Variants in MICU1 observed in about 807,000 individuals in gnomAD.
MICU1 encodes calcium uptake protein 1, mitochondrial.
Under a neutral mutation model 56.8 loss-of-function variants are expected in MICU1, and 45 were observed. The observed-to-expected ratio is 0.79, with a 90% CI of 0.62 to 1.02. MICU1 has a LOEUF of 1.02. Among genes scored for constraint, MICU1 ranks in the 50% least tolerant of loss-of-function variants. The pLI is 0.00. For synonymous variants in MICU1, 186 were observed against 195.1 expected (o/e 0.95, Z 0.39); for missense variants, 504 against 587.1 (o/e 0.86, Z 1.46).
At chr10:72,443,983 C>T (rs950245556) in intron 8 of MICU1, among the ~76,000 whole-genome samples, 1 of 151,976 alleles carries the variant, frequency 6.6e-6, no homozygotes, top group African/African-American at 2.4e-5. Context: ...AAATGTCCAA[C>T]AAGGATAGAC....
intron 10 of MICU1, among the ~76,000 whole-genome samples, chr10:72,396,778 G>C (rs868347421): frequency 3.9e-5 from 6 of 152,146 alleles, no homozygotes; most frequent in Admixed American, 6.5e-5. Flanking sequence ...AGAAATATGG[G>C]ACTATGTGCA....
chr10:72,485,955 A>T (rs1418443419), intron 6 of MICU1, among the ~76,000 whole-genome samples: 1 of 151,846 alleles, frequency 6.6e-6, no homozygotes. Context: ...CACCATTAAT[A>T]GAGTGTTGAA....
At chr10:72,448,187 A>AT (rs1564875089) in intron 8 of MICU1, among the ~76,000 whole-genome samples, 4 of 65,022 alleles carry the variant, frequency 6.2e-5, no homozygotes, top group Non-Finnish European at 9.3e-5. Flanking sequence ...ATATATATAT[A>AT]TATATATTTT....
At chr10:72,414,671 A>T (rs960946269) in intron 9 of MICU1, among the ~76,000 whole-genome samples, 2 of 152,238 alleles carry the variant, frequency 1.3e-5, no homozygotes, top group Non-Finnish European at 2.9e-5. Flanking sequence ...CGAATTGTAC[A>T]GTTAAAATGG....
chr10:72,525,723 G>A (rs1284292477), intron 5 of MICU1, among the ~76,000 whole-genome samples: 2 of 152,058 alleles, frequency 1.3e-5, no homozygotes, highest in East Asian at 3.9e-4. Context: ...CTGAGTAAAG[G>A]GCTCAAAGTC....
chr10:72,375,607 G>C (rs192770911), intron 11 of MICU1, among the ~76,000 whole-genome samples, 176 bp downstream of exon 11: 134 of 152,330 alleles, frequency 8.8e-4, no homozygotes, highest in Non-Finnish European at 1.5e-5. Context: ...CCAGGGCCAG[G>C]GGTTCGATTT....
chr10:72,435,421 G>A (rs1246140477), intron 8 of MICU1, among the ~76,000 whole-genome samples: 1 of 150,292 alleles, frequency 6.7e-6, no homozygotes, highest in Non-Finnish European at 1.5e-5. Context: ...AGTGGGGGGC[G>A]TTCCAAGATG....
chr10:72,597,608 C>A lies in MICU1; in HGVS notation c.-2+28402G>T, dbSNP rs192771461. Among the ~76,000 whole-genome samples the A allele has an allele frequency of 2.0e-5, 3 of 152,206 alleles. No individual in the cohort carries two copies. In the East Asian group the frequency reaches 5.8e-4, roughly 29 times the overall value. Reference sequence around the variant, plus strand: ...GTATCATTAAATTTATTGTGTTAATCATTTTTAAGTGTATGGTTCAGAAGT... The same window carrying A: ...GTATCATTAAATTTATTGTGTTAATAATTTTTAAGTGTATGGTTCAGAAGT... On this transcript the variant is annotated intron_variant, in intron 1 of 11. Transcript: ENST00000361114.
chr10:72,471,964 C>T (rs1219512026), intron 8 of MICU1, among the ~76,000 whole-genome samples: 1 of 150,708 alleles, frequency 6.6e-6, no homozygotes, highest in Non-Finnish European at 1.5e-5. Flanking sequence ...TGTAACATAT[C>T]TAGTATATTT....
rs144532228 is a variant in MICU1 at position 72,496,726 on chromosome 10, G to A, written c.652+11429C>T. The stretch of plus-strand genomic sequence containing the variant: ...GCTGGGATTACAGGCGTGAGCCACC[G>A]TGCCTGGCCTAATTTTTGTATGTTT... On this transcript the variant is annotated intron_variant, in intron 6 of 11. Coordinates refer to ENST00000361114, the MANE Select transcript of MICU1 (RefSeq NM_001195518.2). Among the ~76,000 whole-genome samples the A allele has an allele frequency of 2.8e-3, 422 of 152,010 alleles. 3 individuals are homozygous for A. The highest frequency in any genetic ancestry group is 9.6e-3 in the African/African-American group (398 of 41,468).
intron 8 of MICU1, among the ~76,000 whole-genome samples, chr10:72,466,125 TA>T (rs1162160632): frequency 6.6e-6 from 1 of 152,068 alleles, no homozygotes; most frequent in African/African-American, 2.4e-5. Context: ...CATTAGTAAA[TA>T]AAATAAAGGT....
At chr10:72,491,348 G>A (rs1866648799) in intron 6 of MICU1, among the ~76,000 whole-genome samples, 1 of 152,132 alleles carries the variant, frequency 6.6e-6, no homozygotes, top group Non-Finnish European at 1.5e-5. Context: ...ACACTGCAGT[G>A]ACTCCATCTG....
At chr10:72,519,700 G>C (rs1323718088) in intron 5 of MICU1, among the ~76,000 whole-genome samples, 1 of 152,100 alleles carries the variant, frequency 6.6e-6, no homozygotes, top group Non-Finnish European at 1.5e-5. Context: ...CTAGTTACAG[G>C]GTTGATCAAA....
At chr10:72,549,195 T>C (rs1222151949) in intron 4 of MICU1, among the ~76,000 whole-genome samples, 2 of 150,808 alleles carry the variant, frequency 1.3e-5, no homozygotes, top group Admixed American at 6.6e-5. Flanking sequence ...TTTTTGGTTT[T>C]TTTTTTTTTT....
chr10:72,422,633 C>T (rs1378470032), intron 9 of MICU1, among the ~76,000 whole-genome samples: 2 of 152,022 alleles, frequency 1.3e-5, no homozygotes, highest in African/African-American at 2.4e-5. Context: ...TGGATCCTCG[C>T]TGTTATATGT....
In MICU1 at chr10:72,387,578, T is replaced by A. The variant is rs530537440; in HGVS notation, c.1181-11706A>T. 2.6e-4 allele frequency among the ~76,000 whole-genome samples: 40 copies of A among 152,288 alleles called. No individual in the cohort carries two copies. In the South Asian group the frequency reaches 7.5e-3, roughly 28 times the overall value. On this transcript the variant is annotated intron_variant, in intron 10 of 11. Coordinates refer to ENST00000361114, the MANE Select transcript of MICU1 (RefSeq NM_001195518.2). ...TATTCCTAGGAACAGAGAACTTTTT[T>A]AATAAAGGCTTCTGAAGGCAGAGAC...
At chr10:72,566,571 C>A in intron 2 of MICU1, 62 bp downstream of exon 2, 1 of 1,511,926 alleles carries the variant, frequency 6.6e-7, no homozygotes, top group Non-Finnish European at 8.9e-7. Context: ...TCCTTTCTGA[C>A]AACAGAGATG....
intron 9 of MICU1, among the ~76,000 whole-genome samples, chr10:72,413,829 T>A (rs1226068391): frequency 6.6e-6 from 1 of 152,154 alleles, no homozygotes; most frequent in Non-Finnish European, 1.5e-5. Context: ...AAAAAAAGAT[T>A]TGAATAGACA....
At chr10:72,498,080 T>C (rs1337966172) in intron 6 of MICU1, among the ~76,000 whole-genome samples, 1 of 152,216 alleles carries the variant, frequency 6.6e-6, no homozygotes, top group Non-Finnish European at 1.5e-5. Flanking sequence ...CATGATTTAA[T>C]GTGAACATTG....
Sources: allele counts gnomAD v4.1 joint callset (sites outside exome capture counted in the v4.1 genomes callset), GRCh38; gene constraint gnomAD v4.1.1; transcripts MANE v1.5; gene names NCBI Gene and HGNC (gene_info 2026-07-23, HGNC 2026-07-21).